Variants in TRPA1 observed in about 807,000 individuals in gnomAD.
The protein encoded by TRPA1 is transient receptor potential cation channel subfamily A member 1, also known as ankyrin-like with transmembrane domains 1.
In TRPA1, 129 loss-of-function variants were observed where a neutral mutation model predicts 131.3. That is an observed-to-expected ratio of 0.98 (90% CI 0.85 to 1.14). TRPA1 has a LOEUF of 1.14. TRPA1 is among the 50% of genes most tolerant of loss of function. The probability of loss-of-function intolerance (pLI) is 0.00; values close to 1 mark genes in which losing one functional copy is unlikely to be tolerated. For synonymous variants in TRPA1, 441 were observed against 451.7 expected (o/e 0.98, Z 0.30); for missense variants, 1,304 against 1,354.2 (o/e 0.96, Z 0.58).
At chr8:72,047,537 T>C (rs1304209646) in intron 15 of TRPA1, among the ~76,000 whole-genome samples, 1 of 152,138 alleles carries the variant, frequency 6.6e-6, no homozygotes, top group Non-Finnish European at 1.5e-5. Context: ...AGAGGATATA[T>C]AGATTACAGG....
intron 6 of TRPA1, 64 bp from the exon 7 acceptor site, chr8:72,061,825 CAGCTGTGAGCTT>C: frequency 1.3e-6 from 2 of 1,555,064 alleles, no homozygotes; most frequent in Non-Finnish European, 8.8e-7. Context: ...AACTTATATT[CAGCTGTGAGCTT>C]TTTCTTCCCA....
At chr8:72,034,605 A>AT (rs772763355) in intron 21 of TRPA1, among the ~76,000 whole-genome samples, 8 of 152,122 alleles carry the variant, frequency 5.3e-5, no homozygotes, top group Non-Finnish European at 1.2e-4. Context: ...AATGTTATCT[A>AT]TTTTTTGGAT....
chr8:72,087,255 A>T, the TRPA1 span, among the ~76,000 whole-genome samples: 2 of 152,210 alleles, frequency 1.3e-5, no homozygotes, highest in Non-Finnish European at 2.9e-5. Flanking sequence ...TGCAGACCTG[A>T]GATTCATGCC....
intron 24 of TRPA1, among the ~76,000 whole-genome samples, chr8:72,026,511 C>T (rs1811615682): frequency 6.6e-6 from 1 of 152,142 alleles, no homozygotes; most frequent in African/African-American, 2.4e-5. Context: ...CATGTATACA[C>T]ATCTAGGGCA....
intron 17 of TRPA1, among the ~76,000 whole-genome samples, chr8:72,040,777 C>A (rs1189189474): frequency 2.4e-4 from 37 of 152,084 alleles, no homozygotes; most frequent in Non-Finnish European, 1.5e-5. Context: ...AGTATCATGA[C>A]TTGCTACAGC....
chr8:72,083,302 GT>G, the TRPA1 span, among the ~76,000 whole-genome samples: 1 of 152,032 alleles, frequency 6.6e-6, no homozygotes, highest in African/African-American at 2.4e-5. Flanking sequence ...AATAGAATTA[GT>G]TTCTGTTTGT....
chr8:72,023,808 A>G lies in TRPA1; in HGVS notation c.3149+6T>C. 1.4e-6 allele frequency: 2 copies of G among 1,477,364 alleles called. No individual in the cohort carries two copies. Among genetic ancestry groups the G allele is most frequent in the Non-Finnish European group, 1.9e-6 (2 of 1,056,370 alleles). 91.5% of individuals were successfully genotyped at this position (1,477,364 alleles called of 1,614,324 possible). A position where few individuals can be genotyped will look rare whatever the true frequency, so the allele number is the denominator to read the frequency against. On this transcript the variant is annotated splice_donor_region_variant and intron_variant, in intron 26 of 26. Transcript: ENST00000262209. ...CTCAAGTACAGATAGAAGGAAAAAT[A>G]CATACCGGTATTTCTGCTTTAATAT...
chr8:72,022,917 G>A lies in TRPA1; in HGVS notation c.3349C>T (p.Leu1117Phe). The A allele has an allele frequency of 1.9e-6, 3 of 1,613,632 alleles. No individual in the cohort carries two copies. Among genetic ancestry groups the A allele is most frequent in the Non-Finnish European group, 2.5e-6 (3 of 1,179,740 alleles). Reference sequence around the variant, plus strand: ...GAAGGTCTGAGGAGCTAAGGCTCAAGATGGTGTGTTTTTGCCTTGACTGCT... The same window carrying A: ...GAAGGTCTGAGGAGCTAAGGCTCAAAATGGTGTGTTTTTGCCTTGACTGCT... Reference protein sequence around the residue: ...LRAVKAKTHHLEP With the variant: ...LRAVKAKTHHFEP The change falls in exon 27 of 27, where the codon CTT becomes TTT. Residue 1117 changes from leucine to phenylalanine, a missense_variant. Leu to Phe is a conservative substitution (Grantham distance 22). Coordinates refer to ENST00000262209, the MANE Select transcript of TRPA1 (RefSeq NM_007332.3).
intron 25 of TRPA1, 29 bp downstream of exon 25, chr8:72,025,931 T>C: frequency 6.4e-7 from 1 of 1,563,416 alleles, no homozygotes; most frequent in South Asian, 1.1e-5. Context: ...GTCATGTTAC[T>C]GATGTTGTTA....
At position 72,042,115 on chromosome 8, in the gene TRPA1, T is replaced by G. The variant is rs553031318; in HGVS notation, c.2062-2318A>C. ...ATGACCAAAGTGAAAAGGCAACCTA[T>G]GGAATGAGAATAAATATTTGTAAAT... On this transcript the variant is annotated intron_variant, in intron 17 of 26. Transcript: ENST00000262209. Among the ~76,000 whole-genome samples the G allele has an allele frequency of 2.0e-5, 3 of 151,980 alleles. No homozygotes were observed. In the East Asian group the frequency reaches 5.8e-4, roughly 29 times the overall value.
At chr8:72,061,816 A>C in intron 6 of TRPA1, 55 bp from the exon 7 acceptor site, 1 of 1,583,914 alleles carries the variant, frequency 6.3e-7, no homozygotes, top group East Asian at 2.3e-5. Flanking sequence ...AAAGAATATA[A>C]CTTATATTCA....
At chr8:72,084,265 T>A in the TRPA1 span, among the ~76,000 whole-genome samples, 1 of 152,010 alleles carries the variant, frequency 6.6e-6, no homozygotes, top group African/African-American at 2.4e-5. Flanking sequence ...TTGAGTCAAA[T>A]TTATCAATTT....
At position 72,071,383 on chromosome 8, in the gene TRPA1, T is replaced by G. The variant is rs188943038; in HGVS notation, c.268+328A>C. 3.4e-3 allele frequency among the ~76,000 whole-genome samples: 521 copies of G among 152,320 alleles called. 3 individuals are homozygous for G. Among genetic ancestry groups the G allele is most frequent in the Middle Eastern group, 6.8e-3 (2 of 294 alleles). On this transcript the variant is annotated intron_variant, in intron 2 of 26. Transcript: ENST00000262209. ...TTCTTGAGGTGTCAATTTTATTTAA[T>G]GATGATAATTTAAATGTAAAATAAC...
chr8:72,042,336 G>A (rs1422587851), intron 17 of TRPA1, among the ~76,000 whole-genome samples: 1 of 151,818 alleles, frequency 6.6e-6, no homozygotes, highest in Non-Finnish European at 1.5e-5. Flanking sequence ...TCATTATTAG[G>A]GAAATGCAGT....
chr8:72,053,169 A>C lies in TRPA1; in HGVS notation c.1645-404T>G, dbSNP rs543942056. 7.7e-4 allele frequency: 192 copies of C among 248,104 alleles called. 1 individual carries two copies. The highest frequency in any genetic ancestry group is 1.4e-3 in the Non-Finnish European group (175 of 126,478). 15.4% of individuals were successfully genotyped at this position (248,104 alleles called of 1,614,324 possible). A position where few individuals can be genotyped will look rare whatever the true frequency, so the allele number is the denominator to read the frequency against. ...GAAGAAAATCCTCCTGAGATTGATC[A>C]TTTGTAGAACAGTGGCTTACAGATT... On this transcript the variant is annotated intron_variant, in intron 13 of 26. Transcript: ENST00000262209.
In TRPA1 at chr8:72,057,010, T is replaced by C; in HGVS notation, c.1101A>G (p.Gln367=). The C allele has an allele frequency of 5.6e-6, 9 of 1,602,728 alleles. No homozygotes were observed. Among genetic ancestry groups the C allele is most frequent in the Non-Finnish European group, 7.7e-6 (9 of 1,172,752 alleles). Residue 367 remains glutamine, a synonymous_variant, in exon 10 of 27, where the codon CAA becomes CAG. Transcript: ENST00000262209. ...IVNLLLSKGA[Q]VDIKDNFGRN... Reference sequence around the variant, plus strand: ...GTCCAAAATTATCTTTTATGTCTACTTGGGCACCTAAAAAAAAACACTATG... The same window carrying C: ...GTCCAAAATTATCTTTTATGTCTACCTGGGCACCTAAAAAAAAACACTATG...
Position 72,063,583 on chromosome 8 carries a change from G to C in TRPA1, c.553-12C>G. On this transcript the variant is annotated splice_polypyrimidine_tract_variant and intron_variant, in intron 4 of 26. Coordinates refer to ENST00000262209, the MANE Select transcript of TRPA1 (RefSeq NM_007332.3). ...GCTCCTTTTTTAAGCTGGAAGAAAA[G>C]ACAAAATGAAAAATGACACCAGTTA... is the stretch of plus-strand genomic sequence containing the variant. 1.3e-6 allele frequency: 2 copies of C among 1,596,460 alleles called. No individual in the cohort carries two copies. Among genetic ancestry groups the C allele is most frequent in the Non-Finnish European group, 1.7e-6 (2 of 1,164,730 alleles).
chr8:72,025,007 T>C (rs1811537335), intron 25 of TRPA1, among the ~76,000 whole-genome samples: 2 of 152,160 alleles, frequency 1.3e-5, no homozygotes, highest in South Asian at 4.1e-4. Flanking sequence ...ATTCTGGCTC[T>C]TCATATGGCC....
chr8:72,053,278 T>C (rs1473214248), intron 13 of TRPA1: 2 of 121,960 alleles, frequency 1.6e-5, no homozygotes, highest in African/African-American at 6.1e-5. Context: ...ACTTAAAGAC[T>C]TTTTTTTTTT....
Sources: allele counts gnomAD v4.1 joint callset (sites outside exome capture counted in the v4.1 genomes callset), GRCh38; gene constraint gnomAD v4.1.1; transcripts MANE v1.5; gene names NCBI Gene and HGNC (gene_info 2026-07-23, HGNC 2026-07-21).